Variants in SOCS7 observed in about 807,000 individuals in gnomAD.
The protein encoded by SOCS7 is suppressor of cytokine signaling 7.
SOCS7 carries 18 observed loss-of-function variants against 58.9 expected under a neutral mutation model. The ratio of observed to expected loss-of-function variants is 0.31; its 90% CI spans 0.21 to 0.45. The LOEUF is 0.45. Ranked by LOEUF, SOCS7 falls within the 20% of genes least tolerant of loss-of-function variation. SOCS7 has a pLI of 1.00. For synonymous variants in SOCS7, 388 were observed against 364.3 expected, an observed-to-expected ratio of 1.06 and a Z score of -0.74; for missense variants, 667 against 837.3, an observed-to-expected ratio of 0.80 and a Z score of 2.51.
rs1459963194 is a variant in SOCS7, at chr17:38,401,908, G to A, written c.*2426G>A. 1.3e-5 allele frequency: 2 copies of A among 152,288 alleles called. No homozygotes were observed. The highest frequency in any genetic ancestry group is 4.1e-4 in the South Asian group (2 of 4,828). 9.4% of individuals were successfully genotyped at this position (152,288 alleles called of 1,614,324 possible). A position where few individuals can be genotyped will look rare whatever the true frequency, so the allele number is the denominator to read the frequency against. Reference sequence around the variant, plus strand: ...CAAGGGGTTATGATGGTGAGGTGGAGCCCAAAGCCCAAAGGAGTCAGCAAG... The same window carrying A: ...CAAGGGGTTATGATGGTGAGGTGGAACCCAAAGCCCAAAGGAGTCAGCAAG... On this transcript the variant is annotated 3_prime_UTR_variant, in exon 10 of 10. Coordinates refer to ENST00000612932, the MANE Select transcript of SOCS7 (RefSeq NM_014598.4).
intron 7 of SOCS7, among the ~76,000 whole-genome samples, chr17:38,386,090 C>T (rs554951348): frequency 4.0e-5 from 6 of 151,798 alleles, no homozygotes; most frequent in East Asian, 1.9e-4. Flanking sequence ...TTTGGGAGGC[C>T]GAGGCAGGTG....
At chr17:38,367,809 A>T in intron 5 of SOCS7, 73 bp from the exon 6 acceptor site, 1 of 1,382,974 alleles carries the variant, frequency 7.2e-7, no homozygotes, top group Non-Finnish European at 1.0e-6. Context: ...CTCCCATGTT[A>T]AGATAGATTG....
intron 7 of SOCS7, among the ~76,000 whole-genome samples, chr17:38,389,192 G>C (rs1470178863): frequency 6.6e-6 from 1 of 152,158 alleles, no homozygotes; most frequent in African/African-American, 2.4e-5. Context: ...CTTTTCATCT[G>C]CTTATTGGCT....
chr17:38,395,469 G>T lies in SOCS7; in HGVS notation c.1817+25G>T, dbSNP rs999660027. ...AGTACAATGGGGTTGTCAGGTTTGG[G>T]ACAGGAATGAGTAAGGGGGTTGTGG... On this transcript the variant is annotated intron_variant, in intron 8 of 9. Transcript: ENST00000612932. The T allele has an allele frequency of 3.1e-6, 5 of 1,607,774 alleles. No homozygotes were observed. In the Middle Eastern group the frequency reaches 4.9e-4, roughly 159 times the overall value.
intron 2 of SOCS7, among the ~76,000 whole-genome samples, chr17:38,364,480 G>A (rs909978520): frequency 6.6e-6 from 1 of 152,230 alleles, no homozygotes; most frequent in Admixed American, 6.5e-5. Context: ...TTGTAAGTCA[G>A]TGGCGGAACC....
At chr17:38,387,095 A>AT in intron 7 of SOCS7, among the ~76,000 whole-genome samples, 1 of 100,494 alleles carries the variant, frequency 1.0e-5, no homozygotes, top group African/African-American at 5.4e-5. Context: ...AAAAAAAAAA[A>AT]AAAAAAAATA....
chr17:38,387,407 A>T (rs1182050902), intron 7 of SOCS7, among the ~76,000 whole-genome samples: 1 of 145,946 alleles, frequency 6.9e-6, no homozygotes, highest in Non-Finnish European at 1.5e-5. Context: ...AGATCACCCC[A>T]CTGCACTCCA....
At chr17:38,364,415 A>G (rs770769615) in intron 2 of SOCS7, among the ~76,000 whole-genome samples, 19 of 152,226 alleles carry the variant, frequency 1.2e-4, no homozygotes, top group Non-Finnish European at 2.2e-4. Flanking sequence ...CAATTCTGAA[A>G]AAATAAATGG....
chr17:38,389,868 C>CATATATATATATGTACATAT (rs2038135393), intron 7 of SOCS7, among the ~76,000 whole-genome samples: 6 of 18,632 alleles, frequency 3.2e-4, no homozygotes, highest in Admixed American at 1.5e-3. Flanking sequence ...TATGTGTGTA[C>CATATATATATATGTACATAT]ATATATATAT....
chr17:38,401,779 G>A lies in SOCS7; in HGVS notation c.*2297G>A, dbSNP rs1037076895. 1 of 152,278 alleles carries A rather than the reference G, an allele frequency of 6.6e-6. No individual in the cohort carries two copies. The highest frequency in any genetic ancestry group is 2.4e-5 in the African/African-American group (1 of 41,456). The allele number at this position is 152,278 out of a possible 1,614,324, so 9.4% of individuals were successfully genotyped here. ...AAGGAAGCAGAAATCTGCATGGCAT[G>A]TACTGAACAGTGCACAGCCCTGTTA... On this transcript the variant is annotated 3_prime_UTR_variant, in exon 10 of 10. Coordinates refer to ENST00000612932, the MANE Select transcript of SOCS7 (RefSeq NM_014598.4).
At chr17:38,369,760 C>T (rs1369817142) in intron 6 of SOCS7, among the ~76,000 whole-genome samples, 2 of 148,532 alleles carry the variant, frequency 1.3e-5, no homozygotes, top group Admixed American at 6.8e-5. Flanking sequence ...ATTGCAGCCT[C>T]CACCTCCTTG....
chr17:38,364,899 G>A (rs2144332292), intron 3 of SOCS7, 43 bp downstream of exon 3: 1 of 1,478,674 alleles, frequency 6.8e-7, no homozygotes, highest in Non-Finnish European at 9.4e-7. Context: ...TAGTGGGAGG[G>A]TGAGCTCCAG....
rs750169490 is a variant in SOCS7 at position 38,395,455 on chromosome 17, G to A, written c.1817+11G>A. On this transcript the variant is annotated intron_variant, in intron 8 of 9. Transcript: ENST00000612932. ...TCTCCCACTGCCTAAGTACAATGGGGTTGTCAGGTTTGGGACAGGAATGAG... is the reference window on the plus strand; with the variant it reads ...TCTCCCACTGCCTAAGTACAATGGGATTGTCAGGTTTGGGACAGGAATGAG... 5.0e-6 allele frequency: 8 copies of A among 1,611,716 alleles called. No homozygotes were observed. The highest frequency in any genetic ancestry group is 6.8e-6 in the Non-Finnish European group (8 of 1,178,066).
intron 5 of SOCS7, 86 bp from the exon 6 acceptor site, chr17:38,367,796 G>T: frequency 8.1e-7 from 1 of 1,228,482 alleles, no homozygotes; most frequent in South Asian, 1.4e-5. Flanking sequence ...AATGCAGAGG[G>T]TTCTCCCATG....
rs951018252 is a variant in SOCS7, at chr17:38,403,685, C to T, written c.*4203C>T. ...GGGTGTTAAGAGCATCTCCACTGGG[C>T]GGAGACCTGGCATTTGTTTTCCACT... is the stretch of plus-strand genomic sequence containing the variant. On this transcript the variant is annotated 3_prime_UTR_variant, in exon 10 of 10. Transcript: ENST00000612932. 6.6e-6 allele frequency: 1 copy of T among 152,084 alleles called. No homozygotes were observed. The highest frequency in any genetic ancestry group is 2.4e-5 in the African/African-American group (1 of 41,392). The allele number at this position is 152,084 out of a possible 1,614,324, so 9.4% of individuals were successfully genotyped here. A position where few individuals can be genotyped will look rare whatever the true frequency, so the allele number is the denominator to read the frequency against.
chr17:38,362,366 G>A (rs1362888688), intron 2 of SOCS7, among the ~76,000 whole-genome samples: 2 of 152,184 alleles, frequency 1.3e-5, no homozygotes, highest in African/African-American at 4.8e-5. Flanking sequence ...TGGATGATGG[G>A]TAACTGCCTT....
In SOCS7 at chr17:38,351,915, C is replaced by T. The variant is rs1057076392; in HGVS notation, c.-138C>T. On this transcript the variant is annotated 5_prime_UTR_variant, in exon 1 of 10. Coordinates refer to ENST00000612932, the MANE Select transcript of SOCS7 (RefSeq NM_014598.4). ...CGCTGGGCTCCGCGCGCCCCCCGCC[C>T]CCCTCTATGAGGCAGAGGCCGCGGC... Among the ~76,000 whole-genome samples, 1 of 151,296 alleles carries T rather than the reference C, an allele frequency of 6.6e-6. No homozygotes were observed. Among genetic ancestry groups the T allele is most frequent in the African/African-American group, 2.4e-5 (1 of 41,318 alleles).
intron 7 of SOCS7, among the ~76,000 whole-genome samples, chr17:38,378,237 C>G (rs760663517): frequency 6.6e-6 from 1 of 152,058 alleles, no homozygotes; most frequent in Non-Finnish European, 1.5e-5. Flanking sequence ...CAGGGGCGAG[C>G]GTCAGTGGGG....
Position 38,397,267 on chromosome 17 carries a change from A to G in SOCS7, c.*30+1269A>G, listed in dbSNP as rs551450516. 1.6e-4 allele frequency among the ~76,000 whole-genome samples: 24 copies of G among 152,302 alleles called. 1 individual carries two copies. Among genetic ancestry groups the G allele is most frequent in the Admixed American group, 1.5e-3 (23 of 15,292 alleles). ...TGATTAACCTCCTCTCTGTGGTTCC[A>G]GTGGGGAGCAAGTTCAGCATTACGC... On this transcript the variant is annotated intron_variant, in intron 9 of 9. Transcript: ENST00000612932.
Sources: allele counts gnomAD v4.1 joint callset (sites outside exome capture counted in the v4.1 genomes callset), GRCh38; gene constraint gnomAD v4.1.1; transcripts MANE v1.5; gene names NCBI Gene and HGNC (gene_info 2026-07-23, HGNC 2026-07-21).